DNTTIP2: variants seen among roughly 807,000 people sequenced by gnomAD.
DNTTIP2 encodes deoxynucleotidyltransferase terminal interacting protein 2, also known as deoxynucleotidyltransferase terminal-interacting protein 2.
A neutral mutation model predicts 62.4 loss-of-function variants in DNTTIP2; 47 were observed. That is an observed-to-expected ratio of 0.75 (90% CI 0.60 to 0.96). The LOEUF (loss-of-function observed/expected upper bound fraction) is 0.96. Ranked by LOEUF, DNTTIP2 falls within the 40% of genes least tolerant of loss-of-function variation. DNTTIP2 has a pLI of 0.00. For missense variants in DNTTIP2, 870 were observed against 849.1 expected (o/e 1.02, Z -0.31); for synonymous variants, 322 against 300.9 (o/e 1.07, Z -0.73).
rs1208509757 is a variant in DNTTIP2 at position 93,869,602 on chromosome 1, T to C, written c.*249A>G. The C allele has an allele frequency of 2.8e-6, 1 of 358,938 alleles. No homozygotes were observed. The highest frequency in any genetic ancestry group is 2.1e-5 in the African/African-American group (1 of 47,504). 22.2% of individuals were successfully genotyped at this position (358,938 alleles called of 1,614,324 possible). A position where few individuals can be genotyped will look rare whatever the true frequency, so the allele number is the denominator to read the frequency against. On this transcript the variant is annotated 3_prime_UTR_variant, in exon 7 of 7. Transcript: ENST00000436063. Reference sequence around the variant, plus strand: ...TGAAAACTTTACAAACCATCAGTTATCTTAAAATGGTTGAGATTTTTTTTC... The same window carrying C: ...TGAAAACTTTACAAACCATCAGTTACCTTAAAATGGTTGAGATTTTTTTTC...
rs1655999115 is a variant in DNTTIP2 at position 93,876,257 on chromosome 1, G to A, written c.1667+11C>T. 6.7e-7 allele frequency: 1 copy of A among 1,486,844 alleles called. No homozygotes were observed. The highest frequency in any genetic ancestry group is 1.4e-5 in the South Asian group (1 of 72,906). 92.1% of individuals were successfully genotyped at this position (1,486,844 alleles called of 1,614,324 possible). ...GTATCAAAAACTTATAAAAATAAAG[G>A]AAAAACTTACAGTTTAGCCTTTGTG... On this transcript the variant is annotated intron_variant, in intron 2 of 6. Transcript: ENST00000436063.
At position 93,872,998 on chromosome 1, in the gene DNTTIP2, T is replaced by C. The variant is rs575855205; in HGVS notation, c.1902+121A>G. ...TTTTACAGCCCTTAGAAATCTGTAA[T>C]TATTTTCTTTGGACTCATATATAGA... On this transcript the variant is annotated intron_variant, in intron 4 of 6. Coordinates refer to ENST00000436063, the MANE Select transcript of DNTTIP2 (RefSeq NM_014597.5). The C allele has an allele frequency of 1.6e-4, 98 of 617,106 alleles. 3 individuals are homozygous for C. In the South Asian group the frequency reaches 2.2e-3, roughly 14 times the overall value. 38.2% of individuals were successfully genotyped at this position (617,106 alleles called of 1,614,324 possible).
At chr1:93,872,464 G>A (rs920464708) in intron 4 of DNTTIP2, among the ~76,000 whole-genome samples, 4 of 152,136 alleles carry the variant, frequency 2.6e-5, no homozygotes, top group Non-Finnish European at 5.9e-5. Flanking sequence ...TGAGGGCTCC[G>A]TAAAATCTAT....
At position 93,877,420 on chromosome 1, in the gene DNTTIP2, G is replaced by C. The variant is rs1440663497; in HGVS notation, c.515C>G (p.Thr172Arg). ...GARRSKAKSLTDPSQESHTEA... is the reference protein window; with the variant it reads ...GARRSKAKSLRDPSQESHTEA... ...TGTATGAGATTCTTGGCTTGGATCT[G>C]TCAGAGATTTAGCCTTACTTCTTCT... is the stretch of plus-strand genomic sequence containing the variant. The change falls in exon 2 of 7, where the codon ACA becomes AGA. Residue 172 changes from threonine (T) to arginine (R), a missense_variant. Thr to Arg is a moderately conservative substitution (Grantham distance 71). Coordinates refer to ENST00000436063, the MANE Select transcript of DNTTIP2 (RefSeq NM_014597.5). 10 of 1,613,804 alleles carry C rather than the reference G, an allele frequency of 6.2e-6. No homozygotes were observed. In the East Asian group the frequency reaches 2.2e-4, roughly 36 times the overall value.
Position 93,876,916 on chromosome 1 carries a change from G to C in DNTTIP2, c.1019C>G (p.Ser340Ter), listed in dbSNP as rs1244210291. The change falls in exon 2 of 7, where the codon TCA (serine) becomes TGA (stop). Residue 340 changes from serine to a stop codon, truncating the protein, a stop_gained. Transcript: ENST00000436063. LOFTEE classifies it high-confidence loss of function. ...SLQQLVSQRHSTPQNKNAVSV... is the reference protein window; with the variant it reads ...SLQQLVSQRH Reference sequence around the variant, plus strand: ...TACAGCATTTTTATTTTGGGGGGTTGAATGTCTCTGAGAAACTAACTGTTG... The same window carrying C: ...TACAGCATTTTTATTTTGGGGGGTTCAATGTCTCTGAGAAACTAACTGTTG... 6.2e-7 allele frequency: 1 copy of C among 1,613,778 alleles called. No individual in the cohort carries two copies. The highest frequency in any genetic ancestry group is 1.7e-5 in the Admixed American group (1 of 60,004).
chr1:93,878,865 T>C (rs1656082199), intron 1 of DNTTIP2: 1 of 593,118 alleles, frequency 1.7e-6, no homozygotes, highest in South Asian at 2.2e-5. Context: ...CTAACCTCTC[T>C]TCCATACTAA....
At chr1:93,875,889 C>A (rs1191378513) in intron 2 of DNTTIP2, 106 bp from the exon 3 acceptor site, 1 of 1,139,580 alleles carries the variant, frequency 8.8e-7, no homozygotes, top group Non-Finnish European at 1.2e-6. Context: ...TTGTATTGTC[C>A]ACAATAAAGA....
In DNTTIP2 at chr1:93,876,919, T is replaced by A. The variant is rs778596206; in HGVS notation, c.1016A>T (p.His339Leu). 3 of 1,613,828 alleles carry A rather than the reference T, an allele frequency of 1.9e-6. No individual in the cohort carries two copies. The highest frequency in any genetic ancestry group is 2.5e-6 in the Non-Finnish European group (3 of 1,179,860). Residue 339 changes from histidine (H) to leucine (L), a missense_variant, in exon 2 of 7, where the codon CAT (histidine) becomes CTT (leucine). Physicochemically the swap from His to Leu is moderately conservative, Grantham distance 99 (BLOSUM62 -3). Coordinates refer to ENST00000436063, the MANE Select transcript of DNTTIP2 (RefSeq NM_014597.5). ...AGCATTTTTATTTTGGGGGGTTGAATGTCTCTGAGAAACTAACTGTTGAAG... is the reference window on the plus strand; with the variant it reads ...AGCATTTTTATTTTGGGGGGTTGAAAGTCTCTGAGAAACTAACTGTTGAAG... ...TSLQQLVSQR[H>L]STPQNKNAVS...
chr1:93,873,272 A>G (rs936276497), intron 3 of DNTTIP2, 58 bp from the exon 4 acceptor site: 2 of 1,345,528 alleles, frequency 1.5e-6, no homozygotes, highest in African/African-American at 2.9e-5. Flanking sequence ...AAGTTTTTCA[A>G]CAGTTTAAAC....
intron 4 of DNTTIP2, 65 bp from the exon 5 acceptor site, chr1:93,872,301 C>T: frequency 6.7e-7 from 1 of 1,489,970 alleles, no homozygotes; most frequent in East Asian, 2.3e-5. Flanking sequence ...ATTCATTTCC[C>T]CTGAAGTAAC....
chr1:93,872,791 A>G (rs1156924482), intron 4 of DNTTIP2, among the ~76,000 whole-genome samples: 1 of 152,124 alleles, frequency 6.6e-6, no homozygotes, highest in Non-Finnish European at 1.5e-5. Context: ...GCTCCATATT[A>G]CAGTAACATT....
intron 2 of DNTTIP2, 145 bp from the exon 3 acceptor site, chr1:93,875,928 T>A: frequency 1.2e-6 from 1 of 834,090 alleles, no homozygotes; most frequent in Admixed American, 3.1e-5. Context: ...TTATGAGGAA[T>A]TCCTGAAAAA....
intron 5 of DNTTIP2, among the ~76,000 whole-genome samples, chr1:93,871,843 G>C (rs1422801660): frequency 6.6e-6 from 1 of 152,140 alleles, no homozygotes; most frequent in African/African-American, 2.4e-5. Context: ...ACAGGTTTTA[G>C]CTGACCTGGA....
chr1:93,871,897 G>A lies in DNTTIP2; in HGVS notation c.2067+175C>T, dbSNP rs1019490003. On this transcript the variant is annotated intron_variant, in intron 5 of 6. Transcript: ENST00000436063. Reference sequence around the variant, plus strand: ...CTCTCTAAATGTGATCAAATTAAAAGTTAGTGGCTGAATTGGGTAATGGCC... The same window carrying A: ...CTCTCTAAATGTGATCAAATTAAAAATTAGTGGCTGAATTGGGTAATGGCC... Among the ~76,000 whole-genome samples the A allele has an allele frequency of 2.6e-5, 4 of 152,174 alleles. No individual in the cohort carries two copies. In the South Asian group the frequency reaches 8.3e-4, roughly 32 times the overall value.
chr1:93,877,612 C>T lies in DNTTIP2; in HGVS notation c.323G>A (p.Arg108Lys). The T allele has an allele frequency of 6.2e-7, 1 of 1,614,006 alleles. No individual in the cohort carries two copies. The highest frequency in any genetic ancestry group is 1.1e-5 in the South Asian group (1 of 91,084). ...EHHDTILRVTRRRQILIACSP... is the reference protein window; with the variant it reads ...EHHDTILRVTKRRQILIACSP... ...GCATGCAATTAAGATCTGCCTTCTC[C>T]TAGTTACCCTTAAAATGGTATCATG... Residue 108 changes from arginine (R) to lysine (K), a missense_variant, in exon 2 of 7, where the codon AGG becomes AAG. By Grantham distance (26) the Arg-to-Lys change is conservative. Coordinates refer to ENST00000436063, the MANE Select transcript of DNTTIP2 (RefSeq NM_014597.5).
Position 93,876,327 on chromosome 1 carries a change from G to T in DNTTIP2, c.1608C>A (p.Asp536Glu). ...CATCACTAAACTCATCTTCATTTTC[G>T]TCATGGTCTGATGAATCTTCTTCAC... The part of the protein sequence containing the change: ...EKSEEDSSDH[D>E]ENEDEFSDEE... The change falls in exon 2 of 7, where the codon GAC becomes GAA. Residue 536 changes from aspartate (D) to glutamate (E), a missense_variant. Coordinates refer to ENST00000436063, the MANE Select transcript of DNTTIP2 (RefSeq NM_014597.5). The T allele has an allele frequency of 1.9e-6, 3 of 1,552,442 alleles. No individual in the cohort carries two copies. The highest frequency in any genetic ancestry group is 2.6e-6 in the Non-Finnish European group (3 of 1,147,442).
chr1:93,872,296 T>A, intron 4 of DNTTIP2, 60 bp from the exon 5 acceptor site: 1 of 1,535,684 alleles, frequency 6.5e-7, no homozygotes, highest in Middle Eastern at 1.7e-4. Flanking sequence ...TTATAATTCA[T>A]TTCCCCTGAA....
In DNTTIP2 at chr1:93,877,271, C is replaced by T. The variant is rs2100889431; in HGVS notation, c.664G>A (p.Val222Ile). 6.2e-7 allele frequency: 1 copy of T among 1,613,850 alleles called. No individual in the cohort carries two copies. The highest frequency in any genetic ancestry group is 2.2e-5 in the East Asian group (1 of 44,878). ...ACGATCTGTTTCTCATTTCCTGGTA[C>T]AATCTTACTATCTTTCTTTTCAGTT... is the stretch of plus-strand genomic sequence containing the variant. ...AQTEKKDSKI[V>I]PGNEKQIVGT... The change falls in exon 2 of 7, where the codon GTA becomes ATA. Residue 222 changes from valine (V) to isoleucine (I), a missense_variant. Coordinates refer to ENST00000436063, the MANE Select transcript of DNTTIP2 (RefSeq NM_014597.5).
chr1:93,869,475 AAT>A lies in DNTTIP2; in HGVS notation c.*374_*375del, dbSNP rs1655801925. ...CATAAAACTACCTATTAATTACAAT[AAT>A]GTTTATATATCTTTGATCATTTTTT... is the stretch of plus-strand genomic sequence containing the variant. On this transcript the variant is annotated 3_prime_UTR_variant, in exon 7 of 7. Coordinates refer to ENST00000436063, the MANE Select transcript of DNTTIP2 (RefSeq NM_014597.5). The A allele has an allele frequency of 3.3e-5, 6 of 179,808 alleles. No individual in the cohort carries two copies. In the South Asian group the frequency reaches 7.5e-4, roughly 22 times the overall value. The allele number at this position is 179,808 out of a possible 1,614,324, so 11.1% of individuals were successfully genotyped here. A position where few individuals can be genotyped will look rare whatever the true frequency, so the allele number is the denominator to read the frequency against.
Sources: allele counts gnomAD v4.1 joint callset (sites outside exome capture counted in the v4.1 genomes callset), GRCh38; gene constraint gnomAD v4.1.1; transcripts MANE v1.5; gene names NCBI Gene and HGNC (gene_info 2026-07-23, HGNC 2026-07-21).